DGKI: variants seen among roughly 807,000 people sequenced by gnomAD.
DGKI encodes the protein DAG kinase iota.
A neutral mutation model predicts 147.5 loss-of-function variants in DGKI; 55 were observed. That is an observed-to-expected ratio of 0.37 (90% CI 0.30 to 0.47). The LOEUF (loss-of-function observed/expected upper bound fraction) is 0.47, where lower values mean the gene tolerates loss of function less well. DGKI is among the 20% of genes least tolerant of loss of function. DGKI has a pLI of 1.00. For synonymous variants in DGKI, 469 were observed against 477.1 expected, an observed-to-expected ratio of 0.98 and a Z score of 0.22; for missense variants, 1,007 against 1,323.8, an observed-to-expected ratio of 0.76 and a Z score of 3.71.
intron 20 of DGKI, among the ~76,000 whole-genome samples, chr7:137,548,559 C>T (rs922080753): frequency 3.3e-5 from 5 of 152,108 alleles, no homozygotes; most frequent in Admixed American, 1.3e-4. Flanking sequence ...TCCCCATTCA[C>T]CTTCTGCCCT....
chr7:137,455,704 G>T (rs140690748), intron 27 of DGKI, among the ~76,000 whole-genome samples: 1 of 150,924 alleles, frequency 6.6e-6, no homozygotes. Flanking sequence ...CTAGCATGGT[G>T]TGGAGATATC....
intron 20 of DGKI, among the ~76,000 whole-genome samples, chr7:137,539,607 C>A (rs901657260): frequency 3.3e-5 from 5 of 151,668 alleles, no homozygotes; most frequent in Non-Finnish European, 5.9e-5. Context: ...TAACCACAAC[C>A]CTTAGAAGAT....
At chr7:137,781,265 A>C (rs1796511963) in intron 1 of DGKI, among the ~76,000 whole-genome samples, 1 of 152,232 alleles carries the variant, frequency 6.6e-6, no homozygotes, top group Non-Finnish European at 1.5e-5. Flanking sequence ...GGAAAGGTGT[A>C]GCCCAGTAGC....
In DGKI at chr7:137,388,515, T is replaced by C. The variant is rs1013696825; in HGVS notation, c.*2705A>G. The C allele has an allele frequency of 1.3e-5, 2 of 152,132 alleles. No individual in the cohort carries two copies. The highest frequency in any genetic ancestry group is 2.9e-5 in the Non-Finnish European group (2 of 68,028). The allele number at this position is 152,132 out of a possible 1,614,324, so 9.4% of individuals were successfully genotyped here. On this transcript the variant is annotated 3_prime_UTR_variant, in exon 33 of 33. Transcript: ENST00000614521. Reference sequence around the variant, plus strand: ...TATTTTTATGTCTGTTAAAGTTACATGGCACTTCAGACCAGGACTAGATCA... The same window carrying C: ...TATTTTTATGTCTGTTAAAGTTACACGGCACTTCAGACCAGGACTAGATCA...
intron 3 of DGKI, among the ~76,000 whole-genome samples, chr7:137,670,499 C>T (rs995325680): frequency 1.3e-5 from 2 of 152,148 alleles, no homozygotes; most frequent in African/African-American, 4.8e-5. Context: ...AGGCCAGACA[C>T]CTAAAGGGTG....
chr7:137,822,560 A>T (rs978726144), intron 1 of DGKI, among the ~76,000 whole-genome samples: 1 of 152,192 alleles, frequency 6.6e-6, no homozygotes, highest in East Asian at 1.9e-4. Context: ...CCCCACGGTG[A>T]AGCATAAGTC....
rs566881097 is a variant in DGKI, at chr7:137,524,113, C to T, written c.2148-2147G>A. Among the ~76,000 whole-genome samples, 64 of 146,240 alleles carry T rather than the reference C, an allele frequency of 4.4e-4. 1 individual carries two copies. Among genetic ancestry groups the T allele is most frequent in the Admixed American group, 8.6e-4 (13 of 15,038 alleles). ...TCTTTATCAATAAACAATCATCAGG[C>T]GGGGTGGTTAAGTAAACCAGAGAAC... On this transcript the variant is annotated intron_variant, in intron 20 of 32. Coordinates refer to ENST00000614521, the MANE Select transcript of DGKI (RefSeq NM_001321708.2).
intron 6 of DGKI, among the ~76,000 whole-genome samples, chr7:137,635,642 T>C (rs888268676): frequency 3.9e-5 from 6 of 152,186 alleles, no homozygotes; most frequent in South Asian, 2.1e-4. Context: ...ATCCAGAAGA[T>C]GAAGGCCTGA....
At chr7:137,700,447 G>C (rs990234126) in intron 1 of DGKI, among the ~76,000 whole-genome samples, 3 of 152,122 alleles carry the variant, frequency 2.0e-5, no homozygotes, top group Admixed American at 1.3e-4. Flanking sequence ...TTTCATAGCA[G>C]ATAAAGGAAG....
chr7:137,647,725 GA>G (rs1821879098), intron 5 of DGKI, among the ~76,000 whole-genome samples: 1 of 152,172 alleles, frequency 6.6e-6, no homozygotes, highest in African/African-American at 2.4e-5. Context: ...GGCTACTGCT[GA>G]CACCTTTAGC....
At chr7:137,763,273 T>A (rs919454534) in intron 1 of DGKI, among the ~76,000 whole-genome samples, 1 of 152,260 alleles carries the variant, frequency 6.6e-6, no homozygotes, top group Non-Finnish European at 1.5e-5. Flanking sequence ...TATCTGACTG[T>A]CCTATTATAC....
At chr7:137,582,415 T>A (rs904577950) in intron 14 of DGKI, among the ~76,000 whole-genome samples, 1 of 126,510 alleles carries the variant, frequency 7.9e-6, no homozygotes, top group African/African-American at 4.5e-5. Context: ...TCACCCATTT[T>A]CTCTCTCTCT....
intron 10 of DGKI, among the ~76,000 whole-genome samples, chr7:137,601,133 C>T (rs188899004): frequency 7.2e-5 from 11 of 151,932 alleles, no homozygotes; most frequent in Admixed American, 3.9e-4. Flanking sequence ...TAGCCGGGCA[C>T]GGTGGCGGGC....
At chr7:137,520,549 T>C (rs936440205) in intron 21 of DGKI, among the ~76,000 whole-genome samples, 3 of 152,046 alleles carry the variant, frequency 2.0e-5, no homozygotes, top group Non-Finnish European at 4.4e-5. Context: ...CAGCTCACAC[T>C]TTCCTATAAA....
At chr7:137,620,865 T>A (rs1474843578) in intron 7 of DGKI, among the ~76,000 whole-genome samples, 1 of 152,242 alleles carries the variant, frequency 6.6e-6, no homozygotes, top group East Asian at 1.9e-4. Flanking sequence ...AGGCCTTAAA[T>A]TTTAATCACA....
At chr7:137,433,934 A>G (rs1213585195) in intron 28 of DGKI, among the ~76,000 whole-genome samples, 1 of 152,098 alleles carries the variant, frequency 6.6e-6, no homozygotes, top group Non-Finnish European at 1.5e-5. Context: ...CCTGGCCAAC[A>G]TGGTGAAACA....
chr7:137,719,015 G>A (rs1241072646), intron 1 of DGKI, among the ~76,000 whole-genome samples: 1 of 152,178 alleles, frequency 6.6e-6, no homozygotes, highest in African/African-American at 2.4e-5. Context: ...ATATTTTAAT[G>A]TCTTGGAGAA....
intron 1 of DGKI, among the ~76,000 whole-genome samples, chr7:137,844,855 T>C (rs1256011576): frequency 6.6e-6 from 1 of 152,144 alleles, no homozygotes; most frequent in African/African-American, 2.4e-5. Flanking sequence ...TGAATACCAA[T>C]AAGCCAGGAG....
intron 1 of DGKI, among the ~76,000 whole-genome samples, chr7:137,721,549 G>C (rs1005761425): frequency 2.0e-5 from 3 of 152,064 alleles, no homozygotes; most frequent in African/African-American, 2.4e-5. Context: ...ACTATTGTGA[G>C]ACCTTCCTAA....
Sources: allele counts gnomAD v4.1 joint callset (sites outside exome capture counted in the v4.1 genomes callset), GRCh38; gene constraint gnomAD v4.1.1; transcripts MANE v1.5; gene names NCBI Gene and HGNC (gene_info 2026-07-23, HGNC 2026-07-21).